CTSK: variants seen among roughly 807,000 people sequenced by gnomAD.
The protein encoded by CTSK is cathepsin K.
Under a neutral mutation model 40.5 loss-of-function variants are expected in CTSK, and 26 were observed. That is an observed-to-expected ratio of 0.64 (90% confidence interval 0.47 to 0.89). The LOEUF (loss-of-function observed/expected upper bound fraction) is 0.89, where lower values mean the gene tolerates loss of function less well. Among genes scored for constraint, CTSK ranks in the 40% least tolerant of loss-of-function variants. CTSK has a pLI of 0.00. For synonymous variants in CTSK, 132 were observed against 143.2 expected (o/e 0.92, Z 0.56); for missense variants, 292 against 400.1 (o/e 0.73, Z 2.30).
intron 5 of CTSK, among the ~76,000 whole-genome samples, chr1:150,803,483 A>C (rs1654031012): frequency 1.3e-5 from 2 of 152,006 alleles, no homozygotes; most frequent in Admixed American, 6.6e-5. Flanking sequence ...TGTATAAAAA[A>C]CCCCTCAGGT....
At chr1:150,807,438 T>C in intron 1 of CTSK, 3 of 467,052 alleles carry the variant, frequency 6.4e-6, no homozygotes, top group Non-Finnish European at 1.3e-5. Flanking sequence ...TTCTTCCTTT[T>C]TCTCTCCCTT....
In CTSK at chr1:150,805,948, G is replaced by A. The variant is rs779047231; in HGVS notation, c.312C>T (p.Asp104=). Reference sequence around the variant, plus strand: ...CTTCCCATTCTGGGATATAAAGGGTGTCATTACTGCGGGAATGAGACAGGG... The same window carrying A: ...CTTCCCATTCTGGGATATAAAGGGTATCATTACTGCGGGAATGAGACAGGG... ...KVPLSHSRSN[D]TLYIPEWEGR... The change falls in exon 4 of 8, where the codon GAC becomes GAT. Residue 104 remains aspartate, a synonymous_variant. Transcript: ENST00000271651. 6.2e-7 allele frequency: 1 copy of A among 1,614,106 alleles called. No individual in the cohort carries two copies. The highest frequency in any genetic ancestry group is 8.5e-7 in the Non-Finnish European group (1 of 1,179,948).
intron 7 of CTSK, 102 bp from the exon 8 acceptor site, chr1:150,797,000 A>G (rs1380042016): frequency 2.4e-6 from 2 of 849,846 alleles, no homozygotes; most frequent in Non-Finnish European, 4.0e-6. Context: ...ACAAAAATGA[A>G]TATGATGTTT....
Position 150,806,154 on chromosome 1 carries a change from G to A in CTSK, c.191C>T (p.Ala64Val). ...LKYISIHNLE[A>V]SLGVHTYELA... The stretch of plus-strand genomic sequence containing the variant: ...TTCATATGTATGGACACCAAGAGAA[G>A]CCTCAAGGTTATGGATGGAAATATA... Residue 64 changes from alanine (A) to valine (V), a missense_variant, in exon 3 of 8, where the codon GCT becomes GTT. Transcript: ENST00000271651. 6.2e-7 allele frequency: 1 copy of A among 1,614,048 alleles called. No individual in the cohort carries two copies. Among genetic ancestry groups the A allele is most frequent in the Non-Finnish European group, 8.5e-7 (1 of 1,179,938 alleles).
At position 150,799,282 on chromosome 1, in the gene CTSK, C is replaced by G. The variant is rs748732593; in HGVS notation, c.785-9G>C. 1 of 1,588,042 alleles carries G rather than the reference C, an allele frequency of 6.3e-7. No individual in the cohort carries two copies. Among genetic ancestry groups the G allele is most frequent in the Non-Finnish European group, 8.6e-7 (1 of 1,156,090 alleles). ...TTCATCATAATACACACCTAGAATA[C>G]AAACTACCAGCGTGAGGCTCTATGC... On this transcript the variant is annotated splice_polypyrimidine_tract_variant and intron_variant, in intron 6 of 7. Coordinates refer to ENST00000271651, the MANE Select transcript of CTSK (RefSeq NM_000396.4).
At chr1:150,799,469 T>C (rs775206039) in intron 6 of CTSK, 75 bp downstream of exon 6, 18 of 1,567,798 alleles carry the variant, frequency 1.1e-5, no homozygotes, top group Non-Finnish European at 1.5e-5. Context: ...GTACTGAAAA[T>C]ACCCAAGGTC....
chr1:150,799,416 G>T, intron 6 of CTSK, 128 bp downstream of exon 6: 1 of 1,277,848 alleles, frequency 7.8e-7, no homozygotes, highest in Non-Finnish European at 1.1e-6. Context: ...TGCAGCAGTT[G>T]TTAATTTCTC....
intron 2 of CTSK, 96 bp downstream of exon 2, chr1:150,806,590 A>T: frequency 6.6e-7 from 1 of 1,526,382 alleles, no homozygotes; most frequent in South Asian, 1.1e-5. Flanking sequence ...TTTGCTTGGA[A>T]TAAAGCATTT....
At chr1:150,807,863 A>G (rs1271494763) in intron 1 of CTSK, among the ~76,000 whole-genome samples, 1 of 152,206 alleles carries the variant, frequency 6.6e-6, no homozygotes, top group Non-Finnish European at 1.5e-5. Context: ...GCACTGAGCT[A>G]CTACCTCCCC....
chr1:150,797,579 A>C (rs1571122493), intron 7 of CTSK, among the ~76,000 whole-genome samples: 1 of 152,184 alleles, frequency 6.6e-6, no homozygotes, highest in East Asian at 1.9e-4. Flanking sequence ...AGACTAGAAG[A>C]CAAGAGAGAC....
At chr1:150,802,315 C>T (rs986024464) in intron 5 of CTSK, among the ~76,000 whole-genome samples, 10 of 150,070 alleles carry the variant, frequency 6.7e-5, no homozygotes, top group Non-Finnish European at 1.3e-4. Flanking sequence ...GGCATGGTGG[C>T]TTACATCTAT....
chr1:150,807,109 C>T (rs1374041605), intron 1 of CTSK: 2 of 451,662 alleles, frequency 4.4e-6, no homozygotes, highest in African/African-American at 4.0e-5. Flanking sequence ...CACACACACA[C>T]ACACACACAC....
At chr1:150,799,824 C>A in intron 5 of CTSK, 115 bp from the exon 6 acceptor site, 1 of 976,502 alleles carries the variant, frequency 1.0e-6, no homozygotes, top group East Asian at 2.4e-5. Context: ...AGGCAGCAGT[C>A]TAGGGTTTCT....
intron 7 of CTSK, among the ~76,000 whole-genome samples, chr1:150,797,736 G>T (rs2101946610): frequency 6.6e-6 from 1 of 152,174 alleles, no homozygotes; most frequent in East Asian, 1.9e-4. Context: ...TTCTCCAGGG[G>T]CCCCCAGTGT....
intron 1 of CTSK, among the ~76,000 whole-genome samples, chr1:150,807,026 G>T (rs370015767): frequency 1.4e-5 from 1 of 70,994 alleles, no homozygotes. Flanking sequence ...TCTCTCTCTC[G>T]GGAGATTTAG....
intron 7 of CTSK, among the ~76,000 whole-genome samples, chr1:150,798,556 A>T (rs1250718388): frequency 6.6e-6 from 1 of 152,212 alleles, no homozygotes; most frequent in African/African-American, 2.4e-5. Flanking sequence ...CACAGGGAGC[A>T]TCTGCCCAGC....
chr1:150,804,320 A>G (rs1654046546), intron 4 of CTSK, 81 bp from the exon 5 acceptor site: 4 of 1,153,296 alleles, frequency 3.5e-6, no homozygotes, highest in Non-Finnish European at 5.2e-6. Flanking sequence ...AAGAAATTCC[A>G]TGTGTTCTAA....
rs1654097076 is a variant in CTSK at position 150,806,625 on chromosome 1, CTAAGA to C, written c.120+56_120+60del. The stretch of plus-strand genomic sequence containing the variant: ...TGGATTGAAGAAGGGAGTCTGGAAG[CTAAGA>C]TGAGAGAGCTCAGGTCTCAGCCTTC... On this transcript the variant is annotated intron_variant, in intron 2 of 7. Coordinates refer to ENST00000271651, the MANE Select transcript of CTSK (RefSeq NM_000396.4). 12 of 1,610,120 alleles carry C rather than the reference CTAAGA, an allele frequency of 7.5e-6. No homozygotes were observed. The South Asian group carries it at 1.3e-4, about 18-fold the overall frequency.
chr1:150,804,814 T>C (rs587767617), intron 4 of CTSK, among the ~76,000 whole-genome samples: 1 of 152,282 alleles, frequency 6.6e-6, no homozygotes, highest in African/African-American at 2.4e-5. Context: ...AAAGTGTTTG[T>C]TAAATGAACG....
Sources: gnomAD v4.1 joint callset for allele counts (sites outside exome capture counted in the v4.1 genomes callset) on GRCh38, gnomAD v4.1.1 for gene constraint, MANE v1.5 for transcripts, NCBI Gene and HGNC (gene_info 2026-07-23, HGNC 2026-07-21) for gene names.